The following CC2D1A variants were observed in gnomAD, a reference collection of about 807,000 sequenced individuals.
CC2D1A encodes coiled-coil and C2 domain containing 1A.
Under a neutral mutation model 123.8 loss-of-function variants are expected in CC2D1A, and 68 were observed. The observed-to-expected ratio is 0.55, with a 90% CI of 0.45 to 0.67. The LOEUF (loss-of-function observed/expected upper bound fraction) is 0.67. CC2D1A is among the 30% of genes least tolerant of loss of function. The probability of loss-of-function intolerance (pLI) is 0.00; values close to 1 mark genes in which losing one functional copy is unlikely to be tolerated. For missense variants in CC2D1A, 1,185 were observed against 1,290.3 expected, an observed-to-expected ratio of 0.92 and a Z score of 1.25; for synonymous variants, 477 against 528.0, an observed-to-expected ratio of 0.90 and a Z score of 1.32.
intron 14 of CC2D1A, among the ~76,000 whole-genome samples, chr19:13,922,038 G>C (rs1303260855): frequency 6.6e-6 from 1 of 152,200 alleles, no homozygotes; most frequent in East Asian, 1.9e-4. Context: ...GTCTCGCCCT[G>C]TCATCCAGGC....
At chr19:13,912,711 G>C in intron 4 of CC2D1A, 118 bp downstream of exon 4, 3 of 1,016,352 alleles carry the variant, frequency 3.0e-6, no homozygotes, top group Non-Finnish European at 4.5e-6. Context: ...GGAGTGCAGT[G>C]GTGCCATCTC....
chr19:13,925,933 A>AAAAAATATAT (rs1315518981), intron 17 of CC2D1A, among the ~76,000 whole-genome samples: 3 of 91,044 alleles, frequency 3.3e-5, no homozygotes, highest in African/African-American at 2.0e-4. Context: ...AAAAAAAAAA[A>AAAAAATATAT]ATATATATAT....
At chr19:13,928,270 A>C in intron 24 of CC2D1A, 82 bp downstream of exon 24, 1 of 1,224,598 alleles carries the variant, frequency 8.2e-7, no homozygotes, top group Non-Finnish European at 1.2e-6. Context: ...CACCAGGCAC[A>C]AATTGGACCA....
rs1555735762 is a variant in CC2D1A at position 13,925,933 on chromosome 19, A to ATATAT, written c.1941-584_1941-583insTATAT. Among the ~76,000 whole-genome samples the ATATAT allele has an allele frequency of 4.9e-4, 45 of 91,034 alleles. 1 individual carries two copies. The highest frequency in any genetic ancestry group is 2.2e-3 in the African/African-American group (32 of 14,648). The allele number at this position is 91,034 out of a possible 152,430, so 59.7% of individuals were successfully genotyped here. A position where few individuals can be genotyped will look rare whatever the true frequency, so the allele number is the denominator to read the frequency against. ...AGACTCTGTCTAAAAAAAAAAAAAA[A>ATATAT]ATATATATATATATATATATATATA... On this transcript the variant is annotated intron_variant, in intron 17 of 28. Coordinates refer to ENST00000318003, the MANE Select transcript of CC2D1A (RefSeq NM_017721.5).
At chr19:13,920,084 C>CA (rs1971356838) in intron 12 of CC2D1A, 133 bp downstream of exon 12, 3 of 952,422 alleles carry the variant, frequency 3.1e-6, no homozygotes, top group South Asian at 3.9e-5. Context: ...CCCGTCTCTA[C>CA]AAAAAAATTT....
At chr19:13,929,938 C>CG in intron 26 of CC2D1A, 140 bp from the exon 27 acceptor site, 1 of 188,438 alleles carries the variant, frequency 5.3e-6, no homozygotes, top group Non-Finnish European at 9.1e-6. Flanking sequence ...GGGAGGGGCT[C>CG]GGGGATGGGC....
chr19:13,919,799 G>A lies in CC2D1A; in HGVS notation c.1223-19G>A. 6.3e-7 allele frequency: 1 copy of A among 1,586,458 alleles called. No individual in the cohort carries two copies. Among genetic ancestry groups the A allele is most frequent in the Non-Finnish European group, 8.6e-7 (1 of 1,162,636 alleles). ...CTCCATCCTGACACACAATAACCAG[G>A]CCTCGACTGGCCACCCAGGCTTCCC... is the stretch of plus-strand genomic sequence containing the variant. On this transcript the variant is annotated intron_variant, in intron 11 of 28. Transcript: ENST00000318003.
intron 6 of CC2D1A, among the ~76,000 whole-genome samples, chr19:13,916,795 A>G (rs1971224019): frequency 6.6e-6 from 1 of 152,162 alleles, no homozygotes; most frequent in Non-Finnish European, 1.5e-5. Flanking sequence ...GTTAGTCTGA[A>G]AAAAAGATAC....
At position 13,918,670 on chromosome 19, in the gene CC2D1A, C is replaced by A. The variant is rs1380394482; in HGVS notation, c.947-76C>A. 28 of 1,574,650 alleles carry A rather than the reference C, an allele frequency of 1.8e-5. No individual in the cohort carries two copies. The South Asian group carries it at 2.6e-4, about 15-fold the overall frequency. On this transcript the variant is annotated intron_variant, in intron 8 of 28. Transcript: ENST00000318003. ...CACCCCTGTTGGTCAGGCCCAGAGACCACCCTCAGGCCAGACCAGCTTGTC... is the reference window on the plus strand; with the variant it reads ...CACCCCTGTTGGTCAGGCCCAGAGAACACCCTCAGGCCAGACCAGCTTGTC...
intron 17 of CC2D1A, among the ~76,000 whole-genome samples, chr19:13,925,932 AAATATATAT>A (rs1298805038): frequency 1.2e-4 from 12 of 103,290 alleles, no homozygotes; most frequent in African/African-American, 4.3e-4. Context: ...AAAAAAAAAA[AAATATATAT>A]ATATATATAT....
intron 12 of CC2D1A, 119 bp downstream of exon 12, chr19:13,920,070 G>T: frequency 9.4e-7 from 1 of 1,061,432 alleles, no homozygotes; most frequent in Non-Finnish European, 1.3e-6. Flanking sequence ...CACACAGTGA[G>T]ACCCCCGTCT....
intron 14 of CC2D1A, among the ~76,000 whole-genome samples, chr19:13,922,308 TTCTC>T (rs1311519399): frequency 1.3e-5 from 2 of 151,770 alleles, no homozygotes; most frequent in Non-Finnish European, 2.9e-5. Flanking sequence ...GGCCTGCCCC[TTCTC>T]TTTCACCCAC....
At position 13,930,545 on chromosome 19, in the gene CC2D1A, C is replaced by A; in HGVS notation, c.*150C>A. Reference sequence around the variant, plus strand: ...ATCCGGGCCCCCAGCCCCGCCAGAGCCTCCGTGGCTGCGGGTGTTGGGAAC... The same window carrying A: ...ATCCGGGCCCCCAGCCCCGCCAGAGACTCCGTGGCTGCGGGTGTTGGGAAC... On this transcript the variant is annotated 3_prime_UTR_variant, in exon 29 of 29. Transcript: ENST00000318003. The surrounding 1 kb of genome is among the most constrained non-coding windows in gnomAD (Gnocchi z 6.8). 2 of 860,932 alleles carry A rather than the reference C, an allele frequency of 2.3e-6. No homozygotes were observed. The highest frequency in any genetic ancestry group is 2.7e-5 in the East Asian group (1 of 37,488). The allele number at this position is 860,932 out of a possible 1,614,324, so 53.3% of individuals were successfully genotyped here.
intron 17 of CC2D1A, among the ~76,000 whole-genome samples, chr19:13,924,140 C>A (rs1022623879): frequency 3.3e-5 from 5 of 152,020 alleles, no homozygotes; most frequent in African/African-American, 1.2e-4. Flanking sequence ...TCTTCCCATG[C>A]CCAGAGGAGC....
At chr19:13,913,790 C>T in intron 6 of CC2D1A, 152 bp downstream of exon 6, 2 of 569,700 alleles carry the variant, frequency 3.5e-6, no homozygotes, top group South Asian at 5.2e-5. Flanking sequence ...TCATGAATAC[C>T]TCCCAAGCAG....
chr19:13,920,880 G>T lies in CC2D1A; in HGVS notation c.1599G>T (p.Met533Ile). The T allele has an allele frequency of 1.2e-6, 2 of 1,614,086 alleles. No individual in the cohort carries two copies. The highest frequency in any genetic ancestry group is 1.7e-6 in the Non-Finnish European group (2 of 1,180,016). ...HLRQAKGLEPMLEASRNGLPV... is the reference protein window; with the variant it reads ...HLRQAKGLEPILEASRNGLPV... Reference sequence around the variant, plus strand: ...GCCAAGCCAAGGGACTGGAGCCTATGCTGGAGGCCTCGCGCAATGGGCTGC... The same window carrying T: ...GCCAAGCCAAGGGACTGGAGCCTATTCTGGAGGCCTCGCGCAATGGGCTGC... The change falls in exon 14 of 29, where the codon ATG becomes ATT. Residue 533 changes from methionine (M) to isoleucine (I), a missense_variant. Transcript: ENST00000318003.
chr19:13,917,306 C>T (rs539056705), intron 6 of CC2D1A, among the ~76,000 whole-genome samples: 1 of 150,174 alleles, frequency 6.7e-6, no homozygotes, highest in Admixed American at 6.6e-5. Context: ...CCCATCTCTA[C>T]AAAAAAAAAT....
At chr19:13,917,189 G>C (rs7248811) in intron 6 of CC2D1A, among the ~76,000 whole-genome samples, 2,350 of 152,280 alleles carry the variant, frequency 0.015, 51 homozygotes, top group African/African-American at 0.053. Flanking sequence ...TAAAAAGTGA[G>C]TTGGGCATGG....
In CC2D1A at chr19:13,920,892, G is replaced by A. The variant is rs76113658; in HGVS notation, c.1611G>A (p.Ser537=). 1.5e-3 allele frequency: 2,494 copies of A among 1,613,924 alleles called. 68 individuals carry two copies. In the East Asian group the frequency reaches 0.045, roughly 29 times the overall value. ...GACTGGAGCCTATGCTGGAGGCCTC[G>A]CGCAATGGGCTGCCTGTGGACATCA... ...AKGLEPMLEA[S]RNGLPVDITK... The change falls in exon 14 of 29, where the codon TCG becomes TCA. Residue 537 remains serine (S), a synonymous_variant. Coordinates refer to ENST00000318003, the MANE Select transcript of CC2D1A (RefSeq NM_017721.5).
Sources: gnomAD v4.1 joint callset for allele counts (sites outside exome capture counted in the v4.1 genomes callset) on GRCh38, gnomAD v4.1.1 for gene constraint, Gnocchi (gnomAD v3.1) non-coding constraint, MANE v1.5 for transcripts, NCBI Gene and HGNC (gene_info 2026-07-23, HGNC 2026-07-21) for gene names.